Variants in FAM240B observed in about 807,000 individuals in gnomAD.
FAM240B encodes protein FAM240B.
At chr9:38,715,240 G>A (rs1294333647) in intron 1 of FAM240B, among the ~76,000 whole-genome samples, 1 of 152,154 alleles carries the variant, frequency 6.6e-6, no homozygotes, top group East Asian at 1.9e-4. Context: ...CCAGGACTAG[G>A]AGTTAGGAGA....
chr9:38,694,856 A>G lies in FAM240B; in HGVS notation c.157T>C (p.Trp53Arg). 1 of 398,720 alleles carries G rather than the reference A, an allele frequency of 2.5e-6. No homozygotes were observed. The highest frequency in any genetic ancestry group is 4.4e-6 in the Non-Finnish European group (1 of 226,188). 24.7% of individuals were successfully genotyped at this position (398,720 alleles called of 1,614,324 possible). ...AGCCTCCTCTCCAGCCTCTGCCTCCATTCTTCTCTGAGTCTGCGGAGGGGA... is the reference window on the plus strand; with the variant it reads ...AGCCTCCTCTCCAGCCTCTGCCTCCGTTCTTCTCTGAGTCTGCGGAGGGGA... The part of the protein sequence containing the change: ...RSALKKLREE[W>R]RQRLERRLRM... The change falls in exon 3 of 3, where the codon TGG (tryptophan) becomes CGG (arginine). Residue 53 changes from tryptophan (W) to arginine (R), a missense_variant. Transcript: ENST00000637493.
intron 2 of FAM240B, among the ~76,000 whole-genome samples, chr9:38,702,727 T>A (rs1479406945): frequency 6.6e-6 from 1 of 152,126 alleles, no homozygotes; most frequent in East Asian, 1.9e-4. Context: ...AAAGACCACA[T>A]TACCCTTCTC....
intron 2 of FAM240B, among the ~76,000 whole-genome samples, chr9:38,697,333 G>T (rs1214402269): frequency 6.6e-6 from 1 of 152,152 alleles, no homozygotes; most frequent in Non-Finnish European, 1.5e-5. Context: ...ATGCAGGCCC[G>T]TCCCAGCAAA....
intron 2 of FAM240B, among the ~76,000 whole-genome samples, chr9:38,703,391 C>A (rs969136730): frequency 5.9e-5 from 9 of 152,214 alleles, no homozygotes; most frequent in African/African-American, 1.7e-4. Flanking sequence ...TTCCCCTGCA[C>A]TTGATTATCC....
At chr9:38,706,491 G>A (rs941771968) in intron 1 of FAM240B, among the ~76,000 whole-genome samples, 7 of 152,164 alleles carry the variant, frequency 4.6e-5, no homozygotes, top group Non-Finnish European at 7.3e-5. Flanking sequence ...AAGCTCAGTC[G>A]TATTTTGTTT....
chr9:38,712,808 A>G (rs1192370217), intron 1 of FAM240B, among the ~76,000 whole-genome samples: 1 of 151,358 alleles, frequency 6.6e-6, no homozygotes, highest in African/African-American at 2.4e-5. Context: ...TAAGGTTTAA[A>G]TTCTTGTCTA....
At chr9:38,704,558 T>A (rs1821166795) in intron 1 of FAM240B, among the ~76,000 whole-genome samples, 1 of 152,252 alleles carries the variant, frequency 6.6e-6, no homozygotes, top group African/African-American at 2.4e-5. Flanking sequence ...TATTTTAGCT[T>A]TCTTAAAAAA....
chr9:38,707,652 G>A (rs1821206470), intron 1 of FAM240B, among the ~76,000 whole-genome samples: 1 of 151,736 alleles, frequency 6.6e-6, no homozygotes, highest in African/African-American at 2.4e-5. Flanking sequence ...AAATTAGCTG[G>A]GCGTGGTGGC....
intron 2 of FAM240B, 77 bp downstream of exon 2, chr9:38,703,780 C>T: frequency 2.5e-6 from 1 of 398,328 alleles, no homozygotes. Flanking sequence ...AAGAGAATTC[C>T]CTACCTGAGT....
At chr9:38,719,478 C>T (rs556882538) in intron 1 of FAM240B, among the ~76,000 whole-genome samples, 11 of 152,244 alleles carry the variant, frequency 7.2e-5, no homozygotes, top group East Asian at 1.9e-4. Context: ...GTGTGAGGCT[C>T]ATGCACTTGA....
chr9:38,713,197 G>A (rs536647089), intron 1 of FAM240B, among the ~76,000 whole-genome samples: 22 of 152,202 alleles, frequency 1.4e-4, no homozygotes, highest in African/African-American at 5.1e-4. Context: ...ATTAGATTTC[G>A]GCCGGGCGCA....
At chr9:38,699,866 CT>C (rs2118999893) in intron 2 of FAM240B, among the ~76,000 whole-genome samples, 1 of 152,354 alleles carries the variant, frequency 6.6e-6, no homozygotes, top group Non-Finnish European at 1.5e-5. Flanking sequence ...CATTTCAGAT[CT>C]CAGTACTCCA....
At chr9:38,698,196 A>G (rs573025954) in intron 2 of FAM240B, among the ~76,000 whole-genome samples, 78 of 152,358 alleles carry the variant, frequency 5.1e-4, no homozygotes, top group African/African-American at 1.8e-3. Context: ...GAAGTGTGTC[A>G]TGTCTGTAGC....
chr9:38,706,437 C>T (rs1326686312), intron 1 of FAM240B, among the ~76,000 whole-genome samples: 4 of 152,134 alleles, frequency 2.6e-5, no homozygotes, highest in Non-Finnish European at 5.9e-5. Context: ...GACTGATGGA[C>T]GCTGGGGTGT....
chr9:38,712,537 C>G (rs1051606776), intron 1 of FAM240B, among the ~76,000 whole-genome samples: 1 of 152,050 alleles, frequency 6.6e-6, no homozygotes, highest in Non-Finnish European at 1.5e-5. Flanking sequence ...TATTCGTGAG[C>G]GAGAAAGTGA....
chr9:38,717,131 A>AG (rs543011033), intron 1 of FAM240B, among the ~76,000 whole-genome samples: 10 of 152,290 alleles, frequency 6.6e-5, no homozygotes, highest in Admixed American at 6.5e-4. Context: ...AGCAAAGAGC[A>AG]GGGGGCTCCT....
rs148967637 is a variant in FAM240B at position 38,707,738 on chromosome 9, G to A, written c.-3-3736C>T. On this transcript the variant is annotated intron_variant, in intron 1 of 2. Transcript: ENST00000637493. ...GAACCTGGGAGGTGGAGATTGCAGT[G>A]AGCTGAGGCAGCGCCACTGCACTCC... 3.9e-3 allele frequency among the ~76,000 whole-genome samples: 579 copies of A among 150,320 alleles called. 6 individuals are homozygous for A. The highest frequency in any genetic ancestry group is 0.013 in the African/African-American group (547 of 40,868).
At chr9:38,716,123 A>T (rs1821300825) in intron 1 of FAM240B, among the ~76,000 whole-genome samples, 1 of 152,130 alleles carries the variant, frequency 6.6e-6, no homozygotes, top group Admixed American at 6.5e-5. Context: ...TTGACCCCAT[A>T]ATCTTGTCCC....
At chr9:38,713,229 A>G (rs1364260158) in intron 1 of FAM240B, among the ~76,000 whole-genome samples, 1 of 152,206 alleles carries the variant, frequency 6.6e-6, no homozygotes, top group Non-Finnish European at 1.5e-5. Flanking sequence ...CTGTAATCCC[A>G]GCACTTTGGG....
Sources: allele counts gnomAD v4.1 joint callset (sites outside exome capture counted in the v4.1 genomes callset), GRCh38; gene constraint gnomAD v4.1.1; transcripts MANE v1.5; gene names NCBI Gene and HGNC (gene_info 2026-07-23, HGNC 2026-07-21).